Variants in PAX2 observed in about 807,000 individuals in gnomAD.
The protein encoded by PAX2 is paired box protein Pax-2.
Under a neutral mutation model 41.7 loss-of-function variants are expected in PAX2, and 9 were observed. The observed-to-expected ratio is 0.22, with a 90% CI of 0.13 to 0.38. The LOEUF is 0.38. Ranked by LOEUF, PAX2 falls within the 10% of genes least tolerant of loss-of-function variation. The pLI is 1.00. For synonymous variants in PAX2, 221 were observed against 212.7 expected, an observed-to-expected ratio of 1.04 and a Z score of -0.34; for missense variants, 418 against 531.6, an observed-to-expected ratio of 0.79 and a Z score of 2.10.
At chr10:100,781,888 C>T (rs1402778523) in intron 5 of PAX2, among the ~76,000 whole-genome samples, 1 of 152,136 alleles carries the variant, frequency 6.6e-6, no homozygotes, top group African/African-American at 2.4e-5. Context: ...AAATGCCACT[C>T]CAAATCCCCT....
intron 3 of PAX2, among the ~76,000 whole-genome samples, chr10:100,774,414 A>G (rs188025522): frequency 6.6e-6 from 1 of 152,220 alleles, no homozygotes; most frequent in East Asian, 1.9e-4. Context: ...GGCTTGGTCC[A>G]GCCCCCAGTC....
At chr10:100,814,143 T>G (rs1477533558) in intron 7 of PAX2, among the ~76,000 whole-genome samples, 2 of 150,522 alleles carry the variant, frequency 1.3e-5, no homozygotes, top group African/African-American at 2.4e-5. Flanking sequence ...GGTCAGGAGA[T>G]CAAGACCATC....
At chr10:100,808,017 C>T (rs1332828902) in intron 6 of PAX2, among the ~76,000 whole-genome samples, 3 of 152,154 alleles carry the variant, frequency 2.0e-5, no homozygotes, top group East Asian at 3.9e-4. Context: ...CTCAGTGCAC[C>T]CTCCCTGAGT....
At chr10:100,762,201 A>T (rs1371953034) in intron 3 of PAX2, among the ~76,000 whole-genome samples, 3 of 76,596 alleles carry the variant, frequency 3.9e-5, no homozygotes, top group African/African-American at 1.7e-4. Context: ...CATCTCTATT[A>T]AAAAAAAAAA....
rs144850721 is a variant in PAX2 at position 100,770,654 on chromosome 10, G to A, written c.411-8844G>A. ...AGGGGCACGTGGCGGAAAGATTATCGCCCTCAATGCCAGTCTTGGAAGGCT... is the reference window on the plus strand; with the variant it reads ...AGGGGCACGTGGCGGAAAGATTATCACCCTCAATGCCAGTCTTGGAAGGCT... On this transcript the variant is annotated intron_variant, in intron 3 of 9. Transcript: ENST00000355243. Among the ~76,000 whole-genome samples, 14 of 152,282 alleles carry A rather than the reference G, an allele frequency of 9.2e-5. No homozygotes were observed. In the East Asian group the frequency reaches 2.3e-3, roughly 25 times the overall value.
In PAX2 at chr10:100,827,689, C is replaced by G. The variant is rs1307542099; in HGVS notation, c.*70C>G. The G allele has an allele frequency of 3.7e-6, 6 of 1,612,738 alleles. No homozygotes were observed. The highest frequency in any genetic ancestry group is 1.8e-4 in the Middle Eastern group (1 of 5,452). ...TCCACATCGTCCCCGTCTGACCCCACCCCGGAGGGAGGGAGGACCGACGCG... is the reference window on the plus strand; with the variant it reads ...TCCACATCGTCCCCGTCTGACCCCAGCCCGGAGGGAGGGAGGACCGACGCG... On this transcript the variant is annotated 3_prime_UTR_variant, in exon 10 of 10. Transcript: ENST00000355243. The surrounding 1 kb of genome is among the most constrained non-coding windows in gnomAD (Gnocchi z 8.5).
At position 100,746,132 on chromosome 10, in the gene PAX2, C is replaced by T; in HGVS notation, c.-129C>T. ...CTGCGCCCCCCGCCCCCGCGCGCCC[C>T]GCAGCAGCCGGGCGTTCACTCATCC... On this transcript the variant is annotated 5_prime_UTR_variant, in exon 1 of 10. Coordinates refer to ENST00000355243, the MANE Select transcript of PAX2 (RefSeq NM_000278.5). 2 of 1,571,240 alleles carry T rather than the reference C, an allele frequency of 1.3e-6. No individual in the cohort carries two copies. The highest frequency in any genetic ancestry group is 1.7e-6 in the Non-Finnish European group (2 of 1,162,326).
At chr10:100,784,238 G>A (rs1427608683) in intron 5 of PAX2, among the ~76,000 whole-genome samples, 4 of 152,244 alleles carry the variant, frequency 2.6e-5, no homozygotes, top group Non-Finnish European at 5.9e-5. Context: ...AAAGCAGCTG[G>A]CAGGCCAGTC....
At chr10:100,810,935 A>G (rs1248066674) in intron 7 of PAX2, among the ~76,000 whole-genome samples, 2 of 151,804 alleles carry the variant, frequency 1.3e-5, no homozygotes, top group Non-Finnish European at 2.9e-5. Flanking sequence ...TCCAAGTGTG[A>G]GAAAAGTTCA....
intron 7 of PAX2, among the ~76,000 whole-genome samples, chr10:100,812,374 G>A (rs951997232): frequency 3.6e-4 from 55 of 152,326 alleles, no homozygotes; most frequent in South Asian, 6.2e-4. Context: ...GGTCTGGAAC[G>A]GAGCCTCGTC....
At chr10:100,789,080 G>A (rs1226595235) in intron 5 of PAX2, among the ~76,000 whole-genome samples, 2 of 152,096 alleles carry the variant, frequency 1.3e-5, no homozygotes, top group Admixed American at 1.3e-4. Context: ...ATGTTGGTAG[G>A]GGGCAGCTGA....
At chr10:100,749,465 T>G (rs1376944099) in intron 1 of PAX2, 1 of 1,275,496 alleles carries the variant, frequency 7.8e-7, no homozygotes, top group Non-Finnish European at 9.9e-7. Context: ...TCCCCTCTTT[T>G]CTGTCATCTG....
intron 3 of PAX2, among the ~76,000 whole-genome samples, chr10:100,757,311 T>C (rs753322464): frequency 2.6e-5 from 4 of 152,222 alleles, no homozygotes; most frequent in Non-Finnish European, 5.9e-5. Context: ...AATTGGCAAG[T>C]AGTCATTGGG....
At chr10:100,806,917 G>A (rs534831782) in intron 6 of PAX2, among the ~76,000 whole-genome samples, 1 of 152,136 alleles carries the variant, frequency 6.6e-6, no homozygotes, top group Non-Finnish European at 1.5e-5. Flanking sequence ...GGTTTGTCAA[G>A]TCCCTTCTAG....
chr10:100,824,851 C>A lies in PAX2; in HGVS notation c.1021+102C>A, dbSNP rs757367379. ...TCTGAGGCTGGGGTGGGGGGAGACA[C>A]AACGTCCCCTCCCTGCAAACCACTG... On this transcript the variant is annotated intron_variant, in intron 8 of 9. Coordinates refer to ENST00000355243, the MANE Select transcript of PAX2 (RefSeq NM_000278.5). This position sits in a 1 kb window ranked among gnomAD's most constrained non-coding sequence, Gnocchi z 6.6. 6 of 1,537,810 alleles carry A rather than the reference C, an allele frequency of 3.9e-6. No homozygotes were observed. In the East Asian group the frequency reaches 6.7e-5, roughly 17 times the overall value.
intron 5 of PAX2, among the ~76,000 whole-genome samples, chr10:100,796,149 C>T (rs775174392): frequency 6.6e-6 from 1 of 152,182 alleles, no homozygotes; most frequent in South Asian, 2.1e-4. Flanking sequence ...AATACATGCT[C>T]ATTGGGAAAT....
At chr10:100,746,378 C>CA in intron 1 of PAX2, 75 bp downstream of exon 1, 1 of 1,029,468 alleles carries the variant, frequency 9.7e-7, no homozygotes, top group Non-Finnish European at 1.5e-6. Context: ...AGCGTGGCCC[C>CA]GGCCCCTCGC....
chr10:100,782,308 A>T (rs1325074027), intron 5 of PAX2, among the ~76,000 whole-genome samples: 1 of 152,282 alleles, frequency 6.6e-6, no homozygotes, highest in East Asian at 1.9e-4. Context: ...CCATTAGCCC[A>T]GAACAGTCCC....
intron 5 of PAX2, among the ~76,000 whole-genome samples, chr10:100,802,099 G>C (rs1169778547): frequency 6.6e-6 from 1 of 152,132 alleles, no homozygotes; most frequent in Non-Finnish European, 1.5e-5. Context: ...CCCTCTATGG[G>C]GACTGACTAG....
Sources: allele counts gnomAD v4.1 joint callset (sites outside exome capture counted in the v4.1 genomes callset), GRCh38; gene constraint gnomAD v4.1.1; non-coding constraint Gnocchi (gnomAD v3.1); transcripts MANE v1.5; gene names NCBI Gene and HGNC (gene_info 2026-07-23, HGNC 2026-07-21).